The following EPB41L4A variants were observed in gnomAD, a reference collection of about 807,000 sequenced individuals.
EPB41L4A encodes band 4.1-like protein 4A.
A neutral mutation model predicts 108.6 loss-of-function variants in EPB41L4A; 100 were observed. The ratio of observed to expected loss-of-function variants is 0.92; its 90% CI spans 0.78 to 1.09. EPB41L4A has a LOEUF of 1.09. Among genes scored for constraint, EPB41L4A ranks in the 50% least tolerant of loss-of-function variants. The probability of loss-of-function intolerance (pLI) is 0.00; values close to 1 mark genes in which losing one functional copy is unlikely to be tolerated. For missense variants in EPB41L4A, 1,030 were observed against 842.7 expected, an observed-to-expected ratio of 1.22 and a Z score of -2.75; for synonymous variants, 319 against 289.0, an observed-to-expected ratio of 1.10 and a Z score of -1.05.
At chr5:112,199,539 A>G (rs893479378) in intron 15 of EPB41L4A, among the ~76,000 whole-genome samples, 5 of 152,274 alleles carry the variant, frequency 3.3e-5, no homozygotes, top group Non-Finnish European at 7.4e-5. Context: ...TTCAAGTAAC[A>G]TACTTAAGAT....
chr5:112,349,128 GA>G (rs1757874114), intron 1 of EPB41L4A, among the ~76,000 whole-genome samples: 1 of 152,210 alleles, frequency 6.6e-6, no homozygotes, highest in South Asian at 2.1e-4. Flanking sequence ...ACACAGAGGG[GA>G]CAGTTTCAGT....
At chr5:112,310,092 G>A (rs1754952421) in intron 1 of EPB41L4A, among the ~76,000 whole-genome samples, 1 of 152,236 alleles carries the variant, frequency 6.6e-6, no homozygotes, top group Middle Eastern at 3.4e-3. Context: ...CTGGACTTGT[G>A]GCCTACAGAA....
chr5:112,332,073 G>A (rs555721929), intron 1 of EPB41L4A, among the ~76,000 whole-genome samples: 23 of 152,336 alleles, frequency 1.5e-4, no homozygotes, highest in Non-Finnish European at 1.5e-5. Context: ...GATCTGGTGT[G>A]TGAACCAAGA....
At chr5:112,405,925 T>A (rs902149717) in intron 1 of EPB41L4A, among the ~76,000 whole-genome samples, 5 of 152,222 alleles carry the variant, frequency 3.3e-5, no homozygotes, top group Non-Finnish European at 7.3e-5. Context: ...AAATCCTGGA[T>A]GCTACTAGGT....
intron 1 of EPB41L4A, among the ~76,000 whole-genome samples, chr5:112,345,120 A>G (rs1757554586): frequency 6.6e-6 from 1 of 152,244 alleles, no homozygotes; most frequent in African/African-American, 2.4e-5. Context: ...TATCTGGCAC[A>G]GCCTGACCAC....
At chr5:112,298,308 G>A (rs1754141449) in intron 2 of EPB41L4A, among the ~76,000 whole-genome samples, 1 of 152,042 alleles carries the variant, frequency 6.6e-6, no homozygotes. Context: ...TTCATATTAT[G>A]TTGGCTGTGG....
intron 1 of EPB41L4A, among the ~76,000 whole-genome samples, chr5:112,346,145 A>C (rs561021430): frequency 6.6e-6 from 1 of 150,954 alleles, no homozygotes; most frequent in Non-Finnish European, 1.5e-5. Context: ...ATTCACAAAG[A>C]TATAACCATA....
intron 14 of EPB41L4A, 136 bp downstream of exon 14, chr5:112,205,285 T>A (rs532124026): frequency 6.4e-6 from 5 of 778,244 alleles, no homozygotes; most frequent in Non-Finnish European, 1.1e-5. Context: ...CTGGGTCACA[T>A]TGATTTAGAG....
chr5:112,291,552 C>T (rs1753644862), intron 2 of EPB41L4A, among the ~76,000 whole-genome samples: 1 of 152,164 alleles, frequency 6.6e-6, no homozygotes, highest in South Asian at 2.1e-4. Flanking sequence ...TTTCACCTGC[C>T]CCTAGCAGGA....
intron 1 of EPB41L4A, among the ~76,000 whole-genome samples, chr5:112,324,944 T>C (rs2150638932): frequency 6.6e-6 from 1 of 152,258 alleles, no homozygotes; most frequent in South Asian, 2.1e-4. Context: ...TTTTGAAAAG[T>C]AATGAAACAG....
At chr5:112,400,153 A>G (rs1027212297) in intron 1 of EPB41L4A, among the ~76,000 whole-genome samples, 1 of 152,196 alleles carries the variant, frequency 6.6e-6, no homozygotes, top group Non-Finnish European at 1.5e-5. Context: ...AAGGAGAAGC[A>G]GGCACCTTCT....
chr5:112,236,820 T>C (rs993383510), intron 11 of EPB41L4A, among the ~76,000 whole-genome samples: 1 of 152,238 alleles, frequency 6.6e-6, no homozygotes, highest in African/African-American at 2.4e-5. Context: ...ACTTTACTTT[T>C]GGAGGCTCCA....
chr5:112,395,125 C>T (rs1761243745), intron 1 of EPB41L4A, among the ~76,000 whole-genome samples: 1 of 152,174 alleles, frequency 6.6e-6, no homozygotes. Flanking sequence ...AATGTTAGCC[C>T]TAAAACCATA....
chr5:112,377,872 C>A (rs1221037039), intron 1 of EPB41L4A, among the ~76,000 whole-genome samples: 1 of 152,052 alleles, frequency 6.6e-6, no homozygotes, highest in Non-Finnish European at 1.5e-5. Context: ...CACTGCTAAC[C>A]CCCCATCTTT....
chr5:112,166,890 A>G (rs1464718783), intron 22 of EPB41L4A, among the ~76,000 whole-genome samples: 2 of 152,232 alleles, frequency 1.3e-5, no homozygotes, highest in African/African-American at 4.8e-5. Context: ...CTGATTGCTC[A>G]GACCAGTGCT....
intron 2 of EPB41L4A, among the ~76,000 whole-genome samples, chr5:112,285,137 A>G (rs1235309188): frequency 6.6e-6 from 1 of 152,178 alleles, no homozygotes; most frequent in Non-Finnish European, 1.5e-5. Flanking sequence ...GCTGCATCTT[A>G]TTTCACCCAG....
At chr5:112,228,823 A>AGCCAGAGCATTCC in intron 12 of EPB41L4A, 1 of 817,190 alleles carries the variant, frequency 1.2e-6, no homozygotes, top group Non-Finnish European at 1.5e-6. Flanking sequence ...ACTTGCAGGA[A>AGCCAGAGCATTCC]TGCTCTGGCT....
At chr5:112,365,242 T>C (rs1759048298) in intron 1 of EPB41L4A, among the ~76,000 whole-genome samples, 1 of 152,118 alleles carries the variant, frequency 6.6e-6, no homozygotes, top group African/African-American at 2.4e-5. Flanking sequence ...CAGGCTGGAG[T>C]GCAGTGGCTA....
intron 17 of EPB41L4A, among the ~76,000 whole-genome samples, chr5:112,188,416 G>T (rs1002157648): frequency 6.6e-6 from 1 of 152,046 alleles, no homozygotes; most frequent in Admixed American, 6.6e-5. Context: ...ACTACAATGG[G>T]CTACCTCTGG....
Sources: gnomAD v4.1 joint callset for allele counts (sites outside exome capture counted in the v4.1 genomes callset) on GRCh38, gnomAD v4.1.1 for gene constraint, MANE v1.5 for transcripts, NCBI Gene and HGNC (gene_info 2026-07-23, HGNC 2026-07-21) for gene names.